Variants in SLMAP observed in about 807,000 individuals in gnomAD.
The protein encoded by SLMAP is sarcolemmal membrane-associated protein.
SLMAP carries 44 observed loss-of-function variants against 128.8 expected under a neutral mutation model. The observed-to-expected ratio is 0.34, with a 90% CI of 0.27 to 0.44. The LOEUF is 0.44. Ranked by LOEUF, SLMAP falls within the 20% of genes least tolerant of loss-of-function variation. SLMAP has a pLI of 1.00. For missense variants in SLMAP, 787 were observed against 985.3 expected (o/e 0.80, Z 2.69); for synonymous variants, 327 against 348.8 (o/e 0.94, Z 0.70).
chr3:57,808,419 A>G (rs1434553185), intron 2 of SLMAP, among the ~76,000 whole-genome samples: 7 of 152,080 alleles, frequency 4.6e-5, no homozygotes, highest in African/African-American at 9.7e-5. Flanking sequence ...CCCTCTTAAC[A>G]CTGCTTTAGC....
intron 14 of SLMAP, among the ~76,000 whole-genome samples, chr3:57,882,967 A>C (rs116777452): frequency 2.1e-4 from 32 of 151,998 alleles, no homozygotes; most frequent in Non-Finnish European, 4.4e-4. Flanking sequence ...TATGTGTCAG[A>C]AGTGTGTTGG....
chr3:57,766,175 T>TC (rs1302236078), intron 2 of SLMAP, among the ~76,000 whole-genome samples: 2 of 141,522 alleles, frequency 1.4e-5, no homozygotes, highest in Admixed American at 1.4e-4. Flanking sequence ...ATTTTTTTTT[T>TC]TTTTTTTTTT....
At chr3:57,876,186 T>C (rs923111639) in intron 14 of SLMAP, among the ~76,000 whole-genome samples, 1 of 152,196 alleles carries the variant, frequency 6.6e-6, no homozygotes, top group African/African-American at 2.4e-5. Context: ...TTCCATAAGG[T>C]TTTCCATGTC....
intron 15 of SLMAP, among the ~76,000 whole-genome samples, chr3:57,895,835 TC>T (rs1452527176): frequency 6.6e-6 from 1 of 151,646 alleles, no homozygotes; most frequent in African/African-American, 2.4e-5. Flanking sequence ...TTCCAGCTGC[TC>T]AGGGGGCTGA....
chr3:57,884,359 G>A (rs1467495298), intron 14 of SLMAP, among the ~76,000 whole-genome samples: 3 of 152,182 alleles, frequency 2.0e-5, no homozygotes, highest in East Asian at 1.9e-4. Context: ...GTCTGAGGGG[G>A]TAGGTATGAG....
At chr3:57,832,477 G>A (rs937526978) in intron 3 of SLMAP, among the ~76,000 whole-genome samples, 5 of 152,152 alleles carry the variant, frequency 3.3e-5, no homozygotes, top group African/African-American at 1.2e-4. Flanking sequence ...CTAGTTCACG[G>A]TCTTCTTTAT....
At chr3:57,848,628 C>A (rs983332566) in intron 5 of SLMAP, among the ~76,000 whole-genome samples, 5 of 146,538 alleles carry the variant, frequency 3.4e-5, no homozygotes, top group Admixed American at 6.9e-5. Flanking sequence ...TTTTCTTCTT[C>A]TTCCTCTTCC....
intron 14 of SLMAP, among the ~76,000 whole-genome samples, chr3:57,884,572 C>T (rs2095831356): frequency 1.3e-5 from 2 of 152,070 alleles, no homozygotes; most frequent in African/African-American, 4.8e-5. Flanking sequence ...ATTTGGGAGG[C>T]CAAGGTGGGC....
At chr3:57,820,048 G>C (rs1488690471) in intron 2 of SLMAP, among the ~76,000 whole-genome samples, 1 of 152,170 alleles carries the variant, frequency 6.6e-6, no homozygotes, top group African/African-American at 2.4e-5. Flanking sequence ...ACTGTGCCTG[G>C]TCTGTGTGAG....
intron 13 of SLMAP, among the ~76,000 whole-genome samples, chr3:57,869,630 T>TTATATG (rs1553900185): frequency 8.0e-5 from 6 of 75,466 alleles, no homozygotes; most frequent in African/African-American, 3.0e-4. Flanking sequence ...CCCATCTCTA[T>TTATATG]TATATATATA....
rs760021345 is a variant in SLMAP, at chr3:57,860,850, CA to C, written c.828+21del. 5.0e-3 allele frequency: 6,949 copies of C among 1,399,562 alleles called. 3 individuals carry two copies. The highest frequency in any genetic ancestry group is 8.7e-3 in the South Asian group (605 of 69,418). The allele number at this position is 1,399,562 out of a possible 1,614,324, so 86.7% of individuals were successfully genotyped here. A position where few individuals can be genotyped will look rare whatever the true frequency, so the allele number is the denominator to read the frequency against. ...CTTTCAGAAGTTGAGGTATTTCAAT[CA>C]AAAAAAAAATACTAAATAGTATTAT... On this transcript the variant is annotated intron_variant, in intron 9 of 24. Transcript: ENST00000671191.
chr3:57,882,354 A>C (rs1478801227), intron 14 of SLMAP, among the ~76,000 whole-genome samples: 1 of 152,210 alleles, frequency 6.6e-6, no homozygotes. Context: ...TGAAGAAAAC[A>C]AAGACTGTAA....
chr3:57,910,391 C>A (rs2096665291), intron 19 of SLMAP, among the ~76,000 whole-genome samples: 1 of 151,832 alleles, frequency 6.6e-6, no homozygotes, highest in South Asian at 2.1e-4. Flanking sequence ...ACTATATTGG[C>A]CAGGCTGGTC....
intron 6 of SLMAP, among the ~76,000 whole-genome samples, chr3:57,854,012 A>G (rs1223307723): frequency 1.9e-4 from 22 of 113,964 alleles, no homozygotes; most frequent in African/African-American, 7.4e-4. Flanking sequence ...TACATATAAT[A>G]TATATTATAT....
chr3:57,877,831 CT>C (rs57685937), intron 14 of SLMAP, among the ~76,000 whole-genome samples: 2,884 of 111,624 alleles, frequency 0.026, 93 homozygotes, highest in African/African-American at 0.087. Flanking sequence ...TTTTTTCCTT[CT>C]TTTTTTTTTT....
intron 2 of SLMAP, among the ~76,000 whole-genome samples, chr3:57,810,714 C>T (rs191576214): frequency 7.4e-4 from 112 of 152,274 alleles, no homozygotes; most frequent in African/African-American, 2.5e-3. Flanking sequence ...AGCGTTTGTC[C>T]CTTACCTTAC....
intron 6 of SLMAP, among the ~76,000 whole-genome samples, chr3:57,853,578 C>T (rs1172990695): frequency 6.6e-6 from 1 of 152,076 alleles, no homozygotes; most frequent in Non-Finnish European, 1.5e-5. Context: ...AGGAGTCTCG[C>T]TTAACAGCTA....
intron 3 of SLMAP, among the ~76,000 whole-genome samples, chr3:57,838,361 A>G (rs562618346): frequency 4.6e-4 from 70 of 152,326 alleles, no homozygotes; most frequent in African/African-American, 1.6e-3. Context: ...TGGTTCCTAC[A>G]AATAGAGATG....
At chr3:57,917,436 C>G (rs986554899) in intron 22 of SLMAP, 1 of 286,692 alleles carries the variant, frequency 3.5e-6, no homozygotes, top group African/African-American at 2.2e-5. Flanking sequence ...AGGCCATACT[C>G]TAATGCTGTC....
Sources: gnomAD v4.1 joint callset for allele counts (sites outside exome capture counted in the v4.1 genomes callset) on GRCh38, gnomAD v4.1.1 for gene constraint, MANE v1.5 for transcripts, NCBI Gene and HGNC (gene_info 2026-07-23, HGNC 2026-07-21) for gene names.